The following CLXN variants were observed in gnomAD, a reference collection of about 807,000 sequenced individuals.
The protein encoded by CLXN is EF-hand calcium binding domain 1.
the CLXN span, among the ~76,000 whole-genome samples, chr8:48,725,079 T>C: frequency 6.6e-6 from 1 of 152,106 alleles, no homozygotes; most frequent in African/African-American, 2.4e-5. Flanking sequence ...CAAGAATCAG[T>C]CAGGGCTGCA....
At chr8:48,712,618 C>T in the CLXN span, among the ~76,000 whole-genome samples, 22 of 152,250 alleles carry the variant, frequency 1.4e-4, 1 homozygote, top group East Asian at 1.4e-3. Flanking sequence ...GCAGTGATGC[C>T]GATAAAGGCA....
the CLXN span, among the ~76,000 whole-genome samples, chr8:48,719,382 T>C: frequency 6.6e-6 from 1 of 151,910 alleles, no homozygotes; most frequent in African/African-American, 2.4e-5. Context: ...TCTAAACTCC[T>C]CTAAAAAAAT....
the CLXN span, chr8:48,724,855 A>G: frequency 6.8e-7 from 1 of 1,464,794 alleles, no homozygotes. Context: ...GTAGAACACC[A>G]CAAAATATTC....
the CLXN span, among the ~76,000 whole-genome samples, chr8:48,732,168 G>T: frequency 6.6e-6 from 1 of 152,164 alleles, no homozygotes; most frequent in Non-Finnish European, 1.5e-5. Context: ...AAGGACCATG[G>T]TTATAAATAC....
chr8:48,731,252 C>G, the CLXN span: 1 of 1,309,246 alleles, frequency 7.6e-7, no homozygotes, highest in Non-Finnish European at 1.0e-6. Context: ...GAATGCAAAA[C>G]ACTAAGCTTC....
the CLXN span, among the ~76,000 whole-genome samples, chr8:48,720,176 T>A: frequency 2.0e-5 from 3 of 152,330 alleles, no homozygotes; most frequent in Non-Finnish European, 2.9e-5. Context: ...AAAACATGTG[T>A]GTTTGAACAA....
chr8:48,718,301 C>G, the CLXN span, among the ~76,000 whole-genome samples: 1 of 152,054 alleles, frequency 6.6e-6, no homozygotes, highest in African/African-American at 2.4e-5. Flanking sequence ...CAACCAATAT[C>G]AGAGCACCTA....
the CLXN span, among the ~76,000 whole-genome samples, chr8:48,722,486 A>G: frequency 2.9e-3 from 441 of 152,346 alleles, no homozygotes; most frequent in African/African-American, 0.01. Context: ...CCTTATGTTT[A>G]TTTCAGTGTA....
chr8:48,711,902 T>C, the CLXN span: 1 of 152,214 alleles, frequency 6.6e-6, no homozygotes, highest in African/African-American at 2.4e-5. Context: ...CTTCTTAGGA[T>C]AGTTGGGAGA....
At chr8:48,727,357 A>G in the CLXN span, among the ~76,000 whole-genome samples, 2 of 152,212 alleles carry the variant, frequency 1.3e-5, no homozygotes, top group African/African-American at 4.8e-5. Flanking sequence ...GACATGTACA[A>G]GGCGAGACAG....
At chr8:48,727,956 G>A in the CLXN span, among the ~76,000 whole-genome samples, 10 of 152,296 alleles carry the variant, frequency 6.6e-5, no homozygotes, top group Non-Finnish European at 1.2e-4. Flanking sequence ...ACAACTGGGC[G>A]TATGTGGTTG....
At chr8:48,731,421 T>A in the CLXN span, 2 of 1,613,534 alleles carry the variant, frequency 1.2e-6, no homozygotes, top group South Asian at 2.2e-5. Flanking sequence ...TACGATCCAG[T>A]CCAACAACCA....
chr8:48,723,248 T>C, the CLXN span, among the ~76,000 whole-genome samples: 8 of 152,338 alleles, frequency 5.3e-5, no homozygotes, highest in South Asian at 1.7e-3. Flanking sequence ...TCAAGTTGTA[T>C]ACCTTAAATA....
the CLXN span, chr8:48,731,247 C>A: frequency 2.4e-6 from 3 of 1,260,202 alleles, no homozygotes; most frequent in Non-Finnish European, 3.2e-6. Context: ...ACTGGGAATG[C>A]AAAACACTAA....
At chr8:48,718,021 C>T in the CLXN span, among the ~76,000 whole-genome samples, 3 of 152,184 alleles carry the variant, frequency 2.0e-5, no homozygotes, top group African/African-American at 4.8e-5. Flanking sequence ...GATTAAGCTG[C>T]CCAACCAAAA....
the CLXN span, chr8:48,731,370 T>A: frequency 6.2e-7 from 1 of 1,612,716 alleles, no homozygotes; most frequent in Admixed American, 1.7e-5. Flanking sequence ...TCATGTCATC[T>A]GTCATTCCAA....
the CLXN span, among the ~76,000 whole-genome samples, chr8:48,726,484 T>TC: frequency 4.8e-5 from 5 of 105,220 alleles, no homozygotes; most frequent in African/African-American, 7.8e-5. Context: ...ATCCATCCAT[T>TC]CATCCATCCA....
At chr8:48,713,318 T>A in the CLXN span, among the ~76,000 whole-genome samples, 2 of 152,194 alleles carry the variant, frequency 1.3e-5, no homozygotes. Context: ...TCGCTCTATG[T>A]CTAATGCAAT....
chr8:48,720,273 C>T, the CLXN span, among the ~76,000 whole-genome samples: 9 of 152,006 alleles, frequency 5.9e-5, no homozygotes, highest in Non-Finnish European at 8.8e-5. Flanking sequence ...TGACTGCCTG[C>T]GGGGTCGGGC....
Sources: gnomAD v4.1 joint callset for allele counts (sites outside exome capture counted in the v4.1 genomes callset) on GRCh38, gnomAD v4.1.1 for gene constraint, MANE v1.5 for transcripts, NCBI Gene and HGNC (gene_info 2026-07-23, HGNC 2026-07-21) for gene names.